FAIM2: variants seen among roughly 807,000 people sequenced by gnomAD.
FAIM2 encodes Fas apoptotic inhibitory molecule 2.
A neutral mutation model predicts 47.4 loss-of-function variants in FAIM2; 27 were observed. The ratio of observed to expected loss-of-function variants is 0.57; its 90% CI spans 0.42 to 0.78. The LOEUF is 0.78. FAIM2 is among the 30% of genes least tolerant of loss of function. The probability of loss-of-function intolerance (pLI) is 0.00; values close to 1 mark genes in which losing one functional copy is unlikely to be tolerated. For synonymous variants in FAIM2, 156 were observed against 159.3 expected (o/e 0.98, Z 0.16); for missense variants, 311 against 389.4 (o/e 0.80, Z 1.69).
chr12:49,880,792 ATG>A (rs1382124027), intron 11 of FAIM2, among the ~76,000 whole-genome samples: 2 of 151,136 alleles, frequency 1.3e-5, no homozygotes, highest in Non-Finnish European at 2.9e-5. Context: ...GTGTATGTAT[ATG>A]TGTTTGTGCA....
At chr12:49,879,398 CCATGTGAGTGTG>C (rs1189272483) in intron 11 of FAIM2, among the ~76,000 whole-genome samples, 5 of 129,778 alleles carry the variant, frequency 3.9e-5, no homozygotes, top group South Asian at 2.5e-4. Context: ...GGGTATGTGT[CCATGTGAGTGTG>C]CATGTGAGTG....
chr12:49,883,947 C>T (rs971901761), intron 11 of FAIM2, among the ~76,000 whole-genome samples: 8 of 152,140 alleles, frequency 5.3e-5, no homozygotes, highest in Non-Finnish European at 8.8e-5. Flanking sequence ...AATGGTCGGG[C>T]GCTATGGCTC....
In FAIM2 at chr12:49,897,580, A is replaced by G. The variant is rs1165144351; in HGVS notation, c.319T>C (p.Tyr107His). 6.2e-7 allele frequency: 1 copy of G among 1,613,808 alleles called. No homozygotes were observed. ...KVRRVFVRKV[Y>H]TILLIQLLVT... is the part of the protein sequence containing the mutation. ...AGCAGCTGAATCAGCAGGATGGTGT[A>G]GACCTGGGGGTGGGAGGGGTTCTAC... Residue 107 changes from tyrosine to histidine, a missense_variant, in exon 4 of 12, where the codon TAC (tyrosine) becomes CAC (histidine). Tyr to His is a moderately conservative substitution (Grantham distance 83). Coordinates refer to ENST00000320634, the MANE Select transcript of FAIM2 (RefSeq NM_012306.4).
chr12:49,885,916 C>T (rs1334182800), intron 11 of FAIM2, among the ~76,000 whole-genome samples: 2 of 152,084 alleles, frequency 1.3e-5, no homozygotes, highest in South Asian at 2.1e-4. Context: ...GCGGAGAGGA[C>T]GCGTGAATGA....
At chr12:49,899,187 C>T (rs190756589) in intron 2 of FAIM2, among the ~76,000 whole-genome samples, 13 of 152,236 alleles carry the variant, frequency 8.5e-5, no homozygotes, top group South Asian at 2.1e-4. Context: ...TCCAGGTCTG[C>T]GAAATGAAAG....
At chr12:49,892,465 A>G (rs540234745) in intron 5 of FAIM2, among the ~76,000 whole-genome samples, 92 of 152,266 alleles carry the variant, frequency 6.0e-4, no homozygotes, top group Non-Finnish European at 1.2e-3. Context: ...CAACAAACAC[A>G]GTCTCAGCAC....
intron 11 of FAIM2, among the ~76,000 whole-genome samples, chr12:49,880,744 ATG>A (rs1402608330): frequency 1.4e-5 from 2 of 143,402 alleles, no homozygotes; most frequent in African/African-American, 5.2e-5. Context: ...GTATGTGTGC[ATG>A]TGTGTGTGCG....
intron 7 of FAIM2, 32 bp downstream of exon 7, chr12:49,890,651 C>T (rs374665586): frequency 1.3e-5 from 21 of 1,606,250 alleles, no homozygotes; most frequent in Middle Eastern, 1.7e-4. Context: ...CCCCACTCAG[C>T]GTCTGTCCTC....
At chr12:49,903,178 A>T (rs991655130) in intron 1 of FAIM2, among the ~76,000 whole-genome samples, 1 of 152,220 alleles carries the variant, frequency 6.6e-6, no homozygotes, top group Non-Finnish European at 1.5e-5. Flanking sequence ...AAAACTGGAG[A>T]AGAGATGCTT....
intron 11 of FAIM2, among the ~76,000 whole-genome samples, chr12:49,878,396 GTC>G (rs1946759904): frequency 1.4e-5 from 1 of 73,206 alleles, no homozygotes; most frequent in Non-Finnish European, 2.6e-5. Flanking sequence ...ATATGTGTGT[GTC>G]TGTGTGCATG....
Position 49,901,321 on chromosome 12 carries a change from G to A in FAIM2, c.20C>T (p.Ser7Phe). The A allele has an allele frequency of 6.3e-7, 1 of 1,578,714 alleles. No individual in the cohort carries two copies. ...GGTCCCAGGGGCCTTGTTAGCCACGGAGAGCTATGGAGTAGAGTCAGAGAG... is the reference window on the plus strand; with the variant it reads ...GGTCCCAGGGGCCTTGTTAGCCACGAAGAGCTATGGAGTAGAGTCAGAGAG... MTQGKLSVANKAPGTEG... is the reference protein window; with the variant it reads MTQGKLFVANKAPGTEG... The change falls in exon 2 of 12, where the codon TCC becomes TTC. Residue 7 changes from serine (S) to phenylalanine (F), a missense_variant. Coordinates refer to ENST00000320634, the MANE Select transcript of FAIM2 (RefSeq NM_012306.4).
intron 11 of FAIM2, 134 bp downstream of exon 11, chr12:49,887,252 C>A: frequency 1.3e-6 from 1 of 763,842 alleles, no homozygotes. Flanking sequence ...AACGCAGCAC[C>A]GAGCCTAGCC....
At position 49,895,172 on chromosome 12, in the gene FAIM2, C is replaced by T. The variant is rs1016946864; in HGVS notation, c.434+1859G>A. 9.9e-5 allele frequency among the ~76,000 whole-genome samples: 15 copies of T among 152,210 alleles called. No individual in the cohort carries two copies. In the East Asian group the frequency reaches 2.5e-3, roughly 25 times the overall value. ...ACACTTTGGAACACCCTATGAAAAGCGCCCAGTCCACGCCCACCTCCCACT... is the reference window on the plus strand; with the variant it reads ...ACACTTTGGAACACCCTATGAAAAGTGCCCAGTCCACGCCCACCTCCCACT... On this transcript the variant is annotated intron_variant, in intron 5 of 11. Coordinates refer to ENST00000320634, the MANE Select transcript of FAIM2 (RefSeq NM_012306.4).
intron 11 of FAIM2, 91 bp downstream of exon 11, chr12:49,887,295 G>T: frequency 8.4e-7 from 1 of 1,188,538 alleles, no homozygotes; most frequent in Non-Finnish European, 1.2e-6. Flanking sequence ...ATCCAGGGAA[G>T]AGGGCTGTGA....
Position 49,870,640 on chromosome 12 carries a change from T to C in FAIM2, c.815A>G (p.Asp272Gly). The C allele has an allele frequency of 1.2e-6, 2 of 1,613,902 alleles. No individual in the cohort carries two copies. Among genetic ancestry groups the C allele is most frequent in the African/African-American group, 1.3e-5 (1 of 74,956 alleles). Residue 272 changes from aspartate (D) to glycine (G), a missense_variant, in exon 12 of 12, where the codon GAC (aspartate) becomes GGC (glycine). Asp to Gly is a moderately conservative substitution (Grantham distance 94, BLOSUM62 -1). Coordinates refer to ENST00000320634, the MANE Select transcript of FAIM2 (RefSeq NM_012306.4). ...AGVFTLFLALDTQLLMGNRRH... is the reference protein window; with the variant it reads ...AGVFTLFLALGTQLLMGNRRH... ...TCGGTTACCCATCAGCAACTGGGTG[T>C]CAAGTGCCAGGAACTGGGAGAAGTG... is the stretch of plus-strand genomic sequence containing the variant.
intron 11 of FAIM2, 69 bp downstream of exon 11, chr12:49,887,317 G>A: frequency 7.1e-7 from 1 of 1,398,732 alleles, no homozygotes; most frequent in South Asian, 1.2e-5. Flanking sequence ...GAAGATGGGA[G>A]GAGAAGGGGA....
chr12:49,890,212 C>A (rs1946890514), intron 7 of FAIM2, 58 bp from the exon 8 acceptor site: 1 of 1,543,114 alleles, frequency 6.5e-7, no homozygotes, highest in Admixed American at 1.7e-5. Context: ...GGCCCAGGCA[C>A]CCTCGAGGTC....
In FAIM2 at chr12:49,889,092, G is replaced by A. The variant is rs761299584; in HGVS notation, c.747+15C>T. The A allele has an allele frequency of 1.3e-5, 20 of 1,590,018 alleles. No individual in the cohort carries two copies. In the Admixed American group the frequency reaches 2.2e-4, roughly 18 times the overall value. On this transcript the variant is annotated intron_variant, in intron 10 of 11. Transcript: ENST00000320634. Reference sequence around the variant, plus strand: ...TCCCTCCCCATGGGGCCTGCTGGGGGACCCAGAGACTCACATATTGGAAGG... The same window carrying A: ...TCCCTCCCCATGGGGCCTGCTGGGGAACCCAGAGACTCACATATTGGAAGG...
At chr12:49,892,879 C>T (rs1288276660) in intron 5 of FAIM2, among the ~76,000 whole-genome samples, 5 of 152,222 alleles carry the variant, frequency 3.3e-5, no homozygotes, top group Admixed American at 6.5e-5. Context: ...CTCCCCTGCT[C>T]GGTCTCCTGC....
Sources: gnomAD v4.1 joint callset for allele counts (sites outside exome capture counted in the v4.1 genomes callset) on GRCh38, gnomAD v4.1.1 for gene constraint, MANE v1.5 for transcripts, NCBI Gene and HGNC (gene_info 2026-07-23, HGNC 2026-07-21) for gene names.